Variants in LYRM4 observed in about 807,000 individuals in gnomAD.
LYRM4 encodes LYR motif-containing protein 4.
In LYRM4, 9 loss-of-function variants were observed where a neutral mutation model predicts 11.7. The ratio of observed to expected loss-of-function variants is 0.77; its 90% confidence interval spans 0.46 to 1.34. The LOEUF (loss-of-function observed/expected upper bound fraction) is 1.34. LYRM4 is among the 40% of genes most tolerant of loss of function. The probability of loss-of-function intolerance (pLI) is 0.00; values close to 1 mark genes in which losing one functional copy is unlikely to be tolerated. For synonymous variants in LYRM4, 42 were observed against 40.4 expected (o/e 1.04, Z -0.15); for missense variants, 133 against 112.5 (o/e 1.18, Z -0.82).
At chr6:5,161,397 G>A (rs1018569424) in intron 2 of LYRM4, among the ~76,000 whole-genome samples, 1 of 152,104 alleles carries the variant, frequency 6.6e-6, no homozygotes, top group African/African-American at 2.4e-5. Flanking sequence ...TCTTCAAATT[G>A]TTCTATATAA....
the LYRM4 span, chr6:5,086,691 AAAG>A: frequency 1.3e-6 from 1 of 760,160 alleles, no homozygotes; most frequent in East Asian, 2.7e-5. Flanking sequence ...GCGTGGAGGG[AAAG>A]GAGGGAGACT....
the LYRM4 span, among the ~76,000 whole-genome samples, chr6:5,059,306 A>T: frequency 6.8e-6 from 1 of 147,666 alleles, no homozygotes. Context: ...GTGGCACAGC[A>T]TTCCGGCCCG....
chr6:5,162,672 T>C (rs1038608332), intron 2 of LYRM4, among the ~76,000 whole-genome samples: 1 of 152,218 alleles, frequency 6.6e-6, no homozygotes, highest in Non-Finnish European at 1.5e-5. Context: ...TGTTTATATG[T>C]CTATGGCACC....
chr6:5,213,881 C>T (rs575606695), intron 2 of LYRM4, among the ~76,000 whole-genome samples: 37 of 152,326 alleles, frequency 2.4e-4, no homozygotes, highest in East Asian at 1.4e-3. Flanking sequence ...AGCATTATCC[C>T]GGGGGCTTTG....
chr6:5,199,925 G>A (rs1761290778), intron 2 of LYRM4, among the ~76,000 whole-genome samples: 3 of 152,180 alleles, frequency 2.0e-5, no homozygotes, highest in Non-Finnish European at 2.9e-5. Context: ...GTGCAGCTGA[G>A]GGCTGCAACA....
intron 1 of LYRM4, among the ~76,000 whole-genome samples, chr6:5,219,753 C>T (rs1169553811): frequency 1.6e-4 from 24 of 150,966 alleles, no homozygotes; most frequent in Non-Finnish European, 3.1e-4. Flanking sequence ...CAGATTCTGG[C>T]TATCAGCCTC....
At chr6:5,154,118 A>G (rs887235392) in intron 2 of LYRM4, among the ~76,000 whole-genome samples, 8 of 152,218 alleles carry the variant, frequency 5.3e-5, no homozygotes, top group African/African-American at 1.9e-4. Context: ...TAAGCCACTA[A>G]TTTTAATCAA....
intron 2 of LYRM4, among the ~76,000 whole-genome samples, chr6:5,158,714 C>T (rs1412172099): frequency 6.6e-6 from 1 of 152,078 alleles, no homozygotes; most frequent in African/African-American, 2.4e-5. Flanking sequence ...CTCAAGCAAT[C>T]CTTCCACCTT....
At chr6:5,224,148 G>C (rs1021215810) in intron 1 of LYRM4, among the ~76,000 whole-genome samples, 8 of 152,276 alleles carry the variant, frequency 5.3e-5, no homozygotes, top group East Asian at 1.9e-4. Context: ...AAAGACCTAA[G>C]ACAGTTAGAA....
At chr6:5,191,250 A>G (rs1760734284) in intron 2 of LYRM4, among the ~76,000 whole-genome samples, 1 of 152,190 alleles carries the variant, frequency 6.6e-6, no homozygotes, top group Non-Finnish European at 1.5e-5. Context: ...GCATTTGGTA[A>G]AAAGAGGTTA....
intron 2 of LYRM4, among the ~76,000 whole-genome samples, chr6:5,204,486 TCA>T (rs1245769557): frequency 2.0e-5 from 3 of 151,732 alleles, no homozygotes; most frequent in African/African-American, 7.3e-5. Context: ...GGGAAGTGAG[TCA>T]CACAAAAACT....
the LYRM4 span, chr6:5,065,977 A>T: frequency 3.5e-6 from 1 of 286,188 alleles, no homozygotes. Context: ...TAAGTGGTCT[A>T]TTAGATTGGC....
At chr6:5,055,954 C>CTTTCT in the LYRM4 span, among the ~76,000 whole-genome samples, 1 of 152,098 alleles carries the variant, frequency 6.6e-6, no homozygotes, top group Non-Finnish European at 1.5e-5. This position sits in a 1 kb window ranked among gnomAD's most constrained non-coding sequence, Gnocchi z 4.5. Context: ...TTCCTTCCCT[C>CTTTCT]TTTCTTTTCT....
At chr6:5,139,494 G>C (rs570644182) in intron 2 of LYRM4, among the ~76,000 whole-genome samples, 1 of 152,278 alleles carries the variant, frequency 6.6e-6, no homozygotes, top group Admixed American at 6.5e-5. Flanking sequence ...ACTGGTTTTC[G>C]ACACTTTTGC....
At chr6:5,092,703 CAG>C in the LYRM4 span, among the ~76,000 whole-genome samples, 27,350 of 152,028 alleles carry the variant, frequency 0.18, 2,579 homozygotes, top group Non-Finnish European at 0.21. Context: ...GGGCGACAGA[CAG>C]AGACTCCGTC....
intron 2 of LYRM4, among the ~76,000 whole-genome samples, chr6:5,113,981 C>T (rs2127595969): frequency 6.6e-6 from 1 of 152,368 alleles, no homozygotes; most frequent in South Asian, 2.1e-4. Context: ...TCCATCTCTC[C>T]ATTTTCCTTA....
At chr6:5,181,389 T>C (rs1760064074) in intron 2 of LYRM4, among the ~76,000 whole-genome samples, 1 of 152,232 alleles carries the variant, frequency 6.6e-6, no homozygotes, top group South Asian at 2.1e-4. Context: ...CTGTATTGTG[T>C]CGTCAATGAT....
intron 2 of LYRM4, among the ~76,000 whole-genome samples, chr6:5,214,525 G>C (rs1448630010): frequency 1.3e-5 from 2 of 152,214 alleles, no homozygotes; most frequent in African/African-American, 4.8e-5. Context: ...TTTTGAAAAA[G>C]ATCACTGTGG....
chr6:5,056,354 A>G, the LYRM4 span, among the ~76,000 whole-genome samples: 1 of 152,064 alleles, frequency 6.6e-6, no homozygotes, highest in East Asian at 1.9e-4. Context: ...GACTGTAGAC[A>G]TTCTTCTTTG....
Sources: allele counts gnomAD v4.1 joint callset (sites outside exome capture counted in the v4.1 genomes callset), GRCh38; gene constraint gnomAD v4.1.1; non-coding constraint Gnocchi (gnomAD v3.1); transcripts MANE v1.5; gene names NCBI Gene and HGNC (gene_info 2026-07-23, HGNC 2026-07-21).